DMGDH: variants seen among roughly 807,000 people sequenced by gnomAD.
The protein encoded by DMGDH is dimethylglycine dehydrogenase, mitochondrial.
In DMGDH, 76 loss-of-function variants were observed where a neutral mutation model predicts 95.2. The ratio of observed to expected loss-of-function variants is 0.80; its 90% confidence interval spans 0.66 to 0.97. The LOEUF is 0.97. Ranked by LOEUF, DMGDH falls within the 50% of genes least tolerant of loss-of-function variation. The pLI is 0.00. For synonymous variants in DMGDH, 345 were observed against 377.6 expected, an observed-to-expected ratio of 0.91 and a Z score of 1.00; for missense variants, 987 against 1,055.0, an observed-to-expected ratio of 0.94 and a Z score of 0.89.
intron 2 of DMGDH, among the ~76,000 whole-genome samples, chr5:79,058,526 T>C (rs1290572637): frequency 1.3e-5 from 2 of 152,048 alleles, no homozygotes; most frequent in East Asian, 1.9e-4. Flanking sequence ...AAATCAAGGG[T>C]AAATGATTGA....
chr5:79,065,792 G>C (rs1255695104), intron 1 of DMGDH, among the ~76,000 whole-genome samples: 1 of 152,180 alleles, frequency 6.6e-6, no homozygotes, highest in Non-Finnish European at 1.5e-5. Context: ...CGTGAGCAAT[G>C]TGTTGCATAT....
At chr5:79,055,621 T>C (rs1286985803) in intron 3 of DMGDH, among the ~76,000 whole-genome samples, 189 bp downstream of exon 3, 1 of 152,256 alleles carries the variant, frequency 6.6e-6, no homozygotes, top group East Asian at 1.9e-4. Flanking sequence ...ACATGAATAA[T>C]ATACTTTGAG....
At position 79,063,768 on chromosome 5, in the gene DMGDH, A is replaced by T; in HGVS notation, c.121T>A (p.Ser41Thr). ...CTGTCTTTCCATTGTGTTTCTGCAG[A>T]TAAGGGTGGTTTTTCCTCTCTGGAA... The part of the protein sequence containing the change: ...GREGEEKPPL[S>T]AETQWKDRAE... Residue 41 changes from serine to threonine, a missense_variant, in exon 2 of 16, where the codon TCT (serine) becomes ACT (threonine). Transcript: ENST00000255189. The T allele has an allele frequency of 6.2e-7, 1 of 1,614,168 alleles. No homozygotes were observed. Among genetic ancestry groups the T allele is most frequent in the Non-Finnish European group, 8.5e-7 (1 of 1,180,022 alleles).
At chr5:79,045,316 C>T (rs1257805111) in intron 5 of DMGDH, among the ~76,000 whole-genome samples, 3 of 151,794 alleles carry the variant, frequency 2.0e-5, no homozygotes, top group East Asian at 3.9e-4. Context: ...CCCACTTCAC[C>T]GTTAGCACAG....
At position 78,998,446 on chromosome 5, in the gene DMGDH, G is replaced by T; in HGVS notation, c.2386-149C>A. The T allele has an allele frequency of 5.6e-6, 4 of 712,472 alleles. No homozygotes were observed. The South Asian group carries it at 6.5e-5, about 12-fold the overall frequency. The allele number at this position is 712,472 out of a possible 1,614,324, so 44.1% of individuals were successfully genotyped here. On this transcript the variant is annotated intron_variant, in intron 15 of 15. Transcript: ENST00000255189. ...TGGGGGGACAACGCCAGAGACACAG[G>T]AGGAAAACTTCACATTTTGAGAAGA...
At chr5:79,004,987 T>C (rs1038802292) in intron 15 of DMGDH, among the ~76,000 whole-genome samples, 1 of 152,252 alleles carries the variant, frequency 6.6e-6, no homozygotes, top group African/African-American at 2.4e-5. Flanking sequence ...ATAGATCATT[T>C]ACCCTCTAAA....
At chr5:79,004,090 C>T (rs987834989) in intron 15 of DMGDH, among the ~76,000 whole-genome samples, 2 of 152,150 alleles carry the variant, frequency 1.3e-5, no homozygotes, top group African/African-American at 4.8e-5. Flanking sequence ...GGAAACTAGA[C>T]CTGGGTTGGA....
chr5:79,000,143 T>G (rs1230202122), intron 15 of DMGDH: 1 of 545,902 alleles, frequency 1.8e-6, no homozygotes, highest in African/African-American at 1.9e-5. Flanking sequence ...CCTTAGATGA[T>G]TTTCAGGTGA....
chr5:79,021,345 T>C (rs1753862583), intron 14 of DMGDH: 1 of 1,135,854 alleles, frequency 8.8e-7, no homozygotes, highest in Non-Finnish European at 1.1e-6. Context: ...CAGGAGTATA[T>C]CTTTAACATT....
intron 15 of DMGDH, chr5:79,000,343 G>T (rs932026277): frequency 3.0e-6 from 2 of 665,200 alleles, no homozygotes; most frequent in Middle Eastern, 5.3e-4. Flanking sequence ...CTGTAAGAAG[G>T]TCTGTTTATT....
Position 79,033,200 on chromosome 5 carries a change from C to T in DMGDH, c.1363+39G>A, listed in dbSNP as rs375107841. 155 of 1,610,194 alleles carry T rather than the reference C, an allele frequency of 9.6e-5. 1 individual carries two copies. In the African/African-American group the frequency reaches 1.4e-3, roughly 14 times the overall value. On this transcript the variant is annotated intron_variant, in intron 8 of 15. Transcript: ENST00000255189. ...AGTCAGAGATGCTACAATTCAATTC[C>T]GTCAACACTTTGTAGACAACAGTAC...
At chr5:79,062,443 A>T (rs1755238149) in intron 2 of DMGDH, among the ~76,000 whole-genome samples, 1 of 150,206 alleles carries the variant, frequency 6.7e-6, no homozygotes, top group Non-Finnish European at 1.5e-5. Flanking sequence ...CCTCAAAGTG[A>T]GGTTCCCTCT....
At chr5:79,027,817 A>G (rs1754041839) in intron 12 of DMGDH, among the ~76,000 whole-genome samples, 1 of 150,776 alleles carries the variant, frequency 6.6e-6, no homozygotes. Context: ...CGACTATTTC[A>G]GCCAATCCTC....
intron 2 of DMGDH, among the ~76,000 whole-genome samples, chr5:79,059,554 ACTC>A (rs999873683): frequency 6.6e-5 from 10 of 151,974 alleles, no homozygotes; most frequent in Non-Finnish European, 1.3e-4. Flanking sequence ...TCCTGTTGAA[ACTC>A]CTCATTTAGA....
chr5:79,049,422 G>T (rs1446731295), intron 5 of DMGDH, among the ~76,000 whole-genome samples: 1 of 152,198 alleles, frequency 6.6e-6, no homozygotes, highest in African/African-American at 2.4e-5. Flanking sequence ...GTACTGTGTT[G>T]AGAAAAATGG....
At chr5:79,050,248 CAAAAAAAAAAA>C (rs57662602) in intron 5 of DMGDH, among the ~76,000 whole-genome samples, 129 of 78,612 alleles carry the variant, frequency 1.6e-3, no homozygotes, top group African/African-American at 6.5e-3. Flanking sequence ...AACTTTGTCT[CAAAAAAAAAAA>C]AAAAAAAAAA....
At position 79,030,049 on chromosome 5, in the gene DMGDH, T is replaced by G; in HGVS notation, c.1684-15A>C. ...GTAAAACCCACCTACATAAAAAAAT[T>G]AAAAATTACCTTAGGATGAACTAAA... is the stretch of plus-strand genomic sequence containing the variant. On this transcript the variant is annotated splice_polypyrimidine_tract_variant and intron_variant, in intron 10 of 15. Transcript: ENST00000255189. 1 of 1,608,456 alleles carries G rather than the reference T, an allele frequency of 6.2e-7. No homozygotes were observed.
intron 2 of DMGDH, among the ~76,000 whole-genome samples, chr5:79,060,613 T>A (rs1984685): frequency 6.6e-6 from 1 of 152,028 alleles, no homozygotes; most frequent in East Asian, 1.9e-4. Context: ...TCCACAAATA[T>A]CTCGGTGTTA....
At chr5:79,031,643 T>C (rs1263543748) in intron 9 of DMGDH, among the ~76,000 whole-genome samples, 1 of 152,244 alleles carries the variant, frequency 6.6e-6, no homozygotes, top group Non-Finnish European at 1.5e-5. Context: ...TTCACATTAA[T>C]GACAGAGCCA....
Sources: allele counts gnomAD v4.1 joint callset (sites outside exome capture counted in the v4.1 genomes callset), GRCh38; gene constraint gnomAD v4.1.1; transcripts MANE v1.5; gene names NCBI Gene and HGNC (gene_info 2026-07-23, HGNC 2026-07-21).